The following LRRC4C variants were observed in gnomAD, a reference collection of about 807,000 sequenced individuals.
The protein encoded by LRRC4C is leucine-rich repeat-containing protein 4C.
A neutral mutation model predicts 33.6 loss-of-function variants in LRRC4C; 5 were observed. The ratio of observed to expected loss-of-function variants is 0.15; its 90% CI spans 0.08 to 0.31. The LOEUF (loss-of-function observed/expected upper bound fraction) is 0.31. LRRC4C is among the 10% of genes least tolerant of loss of function. LRRC4C has a pLI of 1.00. For missense variants in LRRC4C, 560 were observed against 796.7 expected (o/e 0.70, Z 3.58); for synonymous variants, 329 against 302.0 (o/e 1.09, Z -0.93).
At chr11:41,366,224 AG>A (rs1952535680) in intron 1 of LRRC4C, among the ~76,000 whole-genome samples, 1 of 146,788 alleles carries the variant, frequency 6.8e-6, no homozygotes, top group African/African-American at 2.7e-5. Flanking sequence ...ATAGATAGAT[AG>A]ATAGATAGAT....
At chr11:41,149,271 C>T (rs1422127163) in intron 1 of LRRC4C, among the ~76,000 whole-genome samples, 7 of 151,848 alleles carry the variant, frequency 4.6e-5, no homozygotes, top group Admixed American at 3.9e-4. Flanking sequence ...TTTGGGAGGC[C>T]GAGGCGGGCG....
chr11:41,063,179 T>G (rs1937923496), intron 1 of LRRC4C, among the ~76,000 whole-genome samples: 1 of 152,192 alleles, frequency 6.6e-6, no homozygotes, highest in Admixed American at 6.5e-5. Context: ...TTCTTAACCA[T>G]CCTGCAAAGT....
chr11:40,942,436 T>C (rs773468844), intron 1 of LRRC4C, among the ~76,000 whole-genome samples: 2 of 152,160 alleles, frequency 1.3e-5, no homozygotes, highest in Non-Finnish European at 2.9e-5. Flanking sequence ...AGTGCTGCAA[T>C]TTTCAAAGAT....
intron 1 of LRRC4C, among the ~76,000 whole-genome samples, chr11:41,118,064 T>C (rs2135743241): frequency 6.6e-6 from 1 of 152,316 alleles, no homozygotes; most frequent in African/African-American, 2.4e-5. Context: ...TCCTTTATCA[T>C]GTGTCAATGT....
At chr11:41,247,237 T>G (rs886678594) in intron 1 of LRRC4C, among the ~76,000 whole-genome samples, 3 of 152,254 alleles carry the variant, frequency 2.0e-5, no homozygotes, top group African/African-American at 7.2e-5. Context: ...GAAACCCCTC[T>G]GTTGCTTTGG....
chr11:40,380,465 G>T (rs1464743275), intron 3 of LRRC4C, among the ~76,000 whole-genome samples: 1 of 152,160 alleles, frequency 6.6e-6, no homozygotes, highest in Non-Finnish European at 1.5e-5. Flanking sequence ...TCAGAGAAAG[G>T]ATTGGGCATA....
At chr11:41,135,617 G>C (rs1279322346) in intron 1 of LRRC4C, among the ~76,000 whole-genome samples, 6 of 152,150 alleles carry the variant, frequency 3.9e-5, no homozygotes, top group South Asian at 2.1e-4. Flanking sequence ...AATTGGGATA[G>C]TGTTACTATG....
intron 3 of LRRC4C, among the ~76,000 whole-genome samples, chr11:40,330,595 G>T (rs771279825): frequency 6.6e-6 from 1 of 152,140 alleles, no homozygotes; most frequent in Non-Finnish European, 1.5e-5. Flanking sequence ...GAGGACTCAG[G>T]AAACTTACTA....
intron 1 of LRRC4C, among the ~76,000 whole-genome samples, chr11:40,939,526 A>T (rs988832681): frequency 6.6e-6 from 1 of 152,164 alleles, no homozygotes; most frequent in Non-Finnish European, 1.5e-5. Flanking sequence ...CATTCAAGAC[A>T]CAATAGTTAA....
At chr11:41,148,589 T>G (rs1943839449) in intron 1 of LRRC4C, among the ~76,000 whole-genome samples, 1 of 151,918 alleles carries the variant, frequency 6.6e-6, no homozygotes, top group Admixed American at 6.6e-5. Flanking sequence ...ATCTTAATGG[T>G]TTTAGCTTAC....
chr11:41,153,726 T>C (rs1944102113), intron 1 of LRRC4C, among the ~76,000 whole-genome samples: 1 of 152,170 alleles, frequency 6.6e-6, no homozygotes, highest in African/African-American at 2.4e-5. Flanking sequence ...ATTTATTTAT[T>C]TACCCTTTGT....
chr11:40,827,834 G>A (rs1952232133), intron 2 of LRRC4C, among the ~76,000 whole-genome samples: 1 of 151,682 alleles, frequency 6.6e-6, no homozygotes, highest in Middle Eastern at 3.4e-3. Flanking sequence ...TCTATCAAGT[G>A]AATAAAGAAA....
intron 3 of LRRC4C, among the ~76,000 whole-genome samples, chr11:40,361,785 A>G (rs1003063402): frequency 2.6e-5 from 4 of 152,220 alleles, no homozygotes; most frequent in Non-Finnish European, 5.9e-5. Flanking sequence ...ATGAACCCAA[A>G]AAAGTGCCCA....
At chr11:40,599,054 A>G (rs553360120) in intron 3 of LRRC4C, among the ~76,000 whole-genome samples, 1 of 151,860 alleles carries the variant, frequency 6.6e-6, no homozygotes, top group East Asian at 1.9e-4. Flanking sequence ...TGTTTTTTGA[A>G]AGTTCAAGGC....
At chr11:40,940,758 A>G (rs183527287) in intron 1 of LRRC4C, among the ~76,000 whole-genome samples, 5 of 152,216 alleles carry the variant, frequency 3.3e-5, no homozygotes, top group Admixed American at 3.3e-4. Context: ...TCAAAACTCT[A>G]GACAACTGAA....
chr11:41,176,761 G>A (rs1000101405), intron 1 of LRRC4C, among the ~76,000 whole-genome samples: 19 of 152,118 alleles, frequency 1.2e-4, no homozygotes, highest in Admixed American at 2.6e-4. Context: ...TCAGGAGTTC[G>A]AGACCAGCCT....
chr11:40,264,889 A>C (rs1373433666), intron 4 of LRRC4C, among the ~76,000 whole-genome samples: 1 of 152,170 alleles, frequency 6.6e-6, no homozygotes, highest in Non-Finnish European at 1.5e-5. Flanking sequence ...CCATTTCTAC[A>C]TACATGGCAA....
chr11:40,989,942 T>C (rs138105141), intron 1 of LRRC4C, among the ~76,000 whole-genome samples: 1 of 151,810 alleles, frequency 6.6e-6, no homozygotes, highest in African/African-American at 2.4e-5. Flanking sequence ...ATTTATATTG[T>C]GTTAGGTATT....
chr11:41,138,428 C>T (rs776826368), intron 1 of LRRC4C, among the ~76,000 whole-genome samples: 1 of 152,108 alleles, frequency 6.6e-6, no homozygotes, highest in African/African-American at 2.4e-5. Context: ...ATGAAGAGGA[C>T]TGATTCAATG....
Sources: gnomAD v4.1 joint callset for allele counts (sites outside exome capture counted in the v4.1 genomes callset) on GRCh38, gnomAD v4.1.1 for gene constraint, MANE v1.5 for transcripts, NCBI Gene and HGNC (gene_info 2026-07-23, HGNC 2026-07-21) for gene names.